Variants in ADGRL2 observed in about 807,000 individuals in gnomAD.
The protein encoded by ADGRL2 is adhesion G protein-coupled receptor L2.
ADGRL2 carries 44 observed loss-of-function variants against 157.4 expected under a neutral mutation model. The ratio of observed to expected loss-of-function variants is 0.28; its 90% CI spans 0.22 to 0.36. The LOEUF is 0.36. Ranked by LOEUF, ADGRL2 falls within the 10% of genes least tolerant of loss-of-function variation. The pLI, the probability that ADGRL2 is intolerant of heterozygous loss-of-function variation, is 1.00. For missense variants in ADGRL2, 1,510 were observed against 1,768.9 expected, an observed-to-expected ratio of 0.85 and a Z score of 2.63; for synonymous variants, 585 against 624.7, an observed-to-expected ratio of 0.94 and a Z score of 0.95.
chr1:81,908,878 CTTT>C (rs35920325), intron 3 of ADGRL2, among the ~76,000 whole-genome samples: 4 of 141,378 alleles, frequency 2.8e-5, no homozygotes, highest in Non-Finnish European at 3.1e-5. Flanking sequence ...TTTTTTCTTT[CTTT>C]TTTTTTTTTT....
At chr1:81,515,851 T>C (rs980666917) in intron 2 of ADGRL2, among the ~76,000 whole-genome samples, 34 of 152,152 alleles carry the variant, frequency 2.2e-4, no homozygotes, top group Non-Finnish European at 4.4e-4. Context: ...TTATGCTATA[T>C]GTTTTTAAAT....
chr1:81,566,258 T>A (rs2080559633), intron 2 of ADGRL2, among the ~76,000 whole-genome samples: 1 of 152,148 alleles, frequency 6.6e-6, no homozygotes, highest in African/African-American at 2.4e-5. Context: ...TGATTAGTTT[T>A]TGTCCACCAC....
At chr1:81,851,231 A>C (rs1363301922) in intron 2 of ADGRL2, among the ~76,000 whole-genome samples, 6 of 151,848 alleles carry the variant, frequency 4.0e-5, no homozygotes, top group Non-Finnish European at 8.8e-5. Context: ...TAGTTGTTTA[A>C]ATTATTTGGA....
At chr1:81,322,030 A>T (rs1238936452) in intron 1 of ADGRL2, among the ~76,000 whole-genome samples, 1 of 149,298 alleles carries the variant, frequency 6.7e-6, no homozygotes, top group African/African-American at 2.4e-5. Flanking sequence ...TATTCTTTAT[A>T]TATTTTTTGC....
At chr1:81,452,949 C>T (rs979143024) in intron 2 of ADGRL2, among the ~76,000 whole-genome samples, 13 of 152,136 alleles carry the variant, frequency 8.5e-5, no homozygotes. Context: ...AAAATGCAGA[C>T]ATTCTACATC....
At chr1:81,817,912 C>A (rs913771576) in intron 1 of ADGRL2, among the ~76,000 whole-genome samples, 1 of 151,972 alleles carries the variant, frequency 6.6e-6, no homozygotes, top group South Asian at 2.1e-4. Context: ...TGCTTATAAT[C>A]CCAGCGCCAT....
intron 3 of ADGRL2, among the ~76,000 whole-genome samples, chr1:81,918,692 G>T (rs1302028311): frequency 6.6e-6 from 1 of 152,002 alleles, no homozygotes; most frequent in Non-Finnish European, 1.5e-5. Context: ...AACAAATTTG[G>T]ATCAGCTGTT....
chr1:81,753,759 G>GT (rs2085567899), intron 1 of ADGRL2, among the ~76,000 whole-genome samples: 1 of 152,120 alleles, frequency 6.6e-6, no homozygotes, highest in Non-Finnish European at 1.5e-5. Flanking sequence ...GTTTTGATCT[G>GT]TTTTTTAGTT....
chr1:81,351,433 T>A (rs1662877935), intron 1 of ADGRL2, among the ~76,000 whole-genome samples: 1 of 152,140 alleles, frequency 6.6e-6, no homozygotes, highest in African/African-American at 2.4e-5. Context: ...CAATCCAATT[T>A]GATTCTAGAA....
chr1:81,521,109 T>C (rs74095499), intron 2 of ADGRL2, among the ~76,000 whole-genome samples: 5,169 of 152,256 alleles, frequency 0.034, 306 homozygotes, highest in African/African-American at 0.12. Flanking sequence ...TGGAAGGTCA[T>C]GTACTCAGCT....
At chr1:81,495,481 A>G (rs940503320) in intron 2 of ADGRL2, among the ~76,000 whole-genome samples, 2 of 152,190 alleles carry the variant, frequency 1.3e-5, no homozygotes, top group African/African-American at 4.8e-5. Flanking sequence ...TTTGTGCTGC[A>G]ACAAAATCCA....
At chr1:81,704,043 A>G (rs1461486134) in intron 1 of ADGRL2, among the ~76,000 whole-genome samples, 3 of 152,204 alleles carry the variant, frequency 2.0e-5, no homozygotes, top group Non-Finnish European at 1.5e-5. Context: ...TGCTGGTAAC[A>G]GTAAATGTAT....
chr1:81,715,983 A>G (rs1027019915), intron 1 of ADGRL2, among the ~76,000 whole-genome samples: 6 of 152,294 alleles, frequency 3.9e-5, no homozygotes, highest in African/African-American at 7.2e-5. Context: ...CAGCATCGTA[A>G]TTGCTCAAGG....
chr1:81,936,890 G>A (rs947828221), intron 4 of ADGRL2, 53 bp downstream of exon 4: 1 of 1,050,928 alleles, frequency 9.5e-7, no homozygotes, highest in African/African-American at 1.6e-5. Flanking sequence ...ACTTGTTGAT[G>A]CTGAAAGACT....
rs568756788 is a variant in ADGRL2, at chr1:81,344,675, A to AT, written c.-302+38166_-302+38167insT. On this transcript the variant is annotated intron_variant, in intron 1 of 24. Coordinates refer to the ADGRL2 transcript ENST00000370721. ...GAGCGAAACTCTGTCTCAAAAAAAA[A>AT]AAAAAAAAAAAAAAAGCAGATTATA... 3.9e-3 allele frequency among the ~76,000 whole-genome samples: 570 copies of AT among 146,634 alleles called. 5 individuals are homozygous for AT. The highest frequency in any genetic ancestry group is 0.013 in the African/African-American group (524 of 40,656).
chr1:81,307,024 C>A (rs1409404438), intron 1 of ADGRL2, among the ~76,000 whole-genome samples: 1 of 152,170 alleles, frequency 6.6e-6, no homozygotes, highest in Non-Finnish European at 1.5e-5. Context: ...GCTAACAGGC[C>A]TGTCAGATAG....
chr1:81,848,000 A>T (rs571023325), intron 2 of ADGRL2, among the ~76,000 whole-genome samples: 4 of 151,932 alleles, frequency 2.6e-5, no homozygotes, highest in African/African-American at 9.6e-5. Context: ...GTCATTAAAA[A>T]TGGCTAAATA....
intron 1 of ADGRL2, among the ~76,000 whole-genome samples, chr1:81,705,985 C>A (rs780527360): frequency 6.6e-6 from 1 of 151,864 alleles, no homozygotes; most frequent in Non-Finnish European, 1.5e-5. Context: ...CCAAGGCGGG[C>A]GGATCACGAG....
chr1:81,800,168 C>T (rs1015226343), upstream of ADGRL2, among the ~76,000 whole-genome samples: 3 of 152,182 alleles, frequency 2.0e-5, no homozygotes, highest in Non-Finnish European at 4.4e-5. Flanking sequence ...AGTCTCCTTT[C>T]CTTCCTTTGC....
Sources: allele counts gnomAD v4.1 joint callset (sites outside exome capture counted in the v4.1 genomes callset), GRCh38; gene constraint gnomAD v4.1.1; transcripts MANE v1.5; gene names NCBI Gene and HGNC (gene_info 2026-07-23, HGNC 2026-07-21).